KLHL14: variants seen among roughly 807,000 people sequenced by gnomAD.
KLHL14 encodes kelch like family member 14, also known as kelch-like protein 14.
Under a neutral mutation model 64.3 loss-of-function variants are expected in KLHL14, and 22 were observed. That is an observed-to-expected ratio of 0.34 (90% CI 0.24 to 0.49). The LOEUF is 0.49. Ranked by LOEUF, KLHL14 falls within the 20% of genes least tolerant of loss-of-function variation. The pLI is 0.99. For missense variants in KLHL14, 661 were observed against 789.0 expected (o/e 0.84, Z 1.94); for synonymous variants, 322 against 333.4 (o/e 0.97, Z 0.37).
chr18:32,707,328 A>G (rs527289205), intron 3 of KLHL14, among the ~76,000 whole-genome samples: 84 of 152,344 alleles, frequency 5.5e-4, no homozygotes, highest in African/African-American at 2.0e-3. Flanking sequence ...AATACACAGC[A>G]TGGCTGATTT....
chr18:32,696,837 A>G (rs188897452), intron 3 of KLHL14, among the ~76,000 whole-genome samples: 7 of 152,338 alleles, frequency 4.6e-5, no homozygotes, highest in East Asian at 3.9e-4. Flanking sequence ...AGAAACAGGT[A>G]CAGGTTTGAG....
intron 2 of KLHL14, among the ~76,000 whole-genome samples, chr18:32,749,460 G>A (rs2050240801): frequency 6.6e-6 from 1 of 152,112 alleles, no homozygotes; most frequent in Non-Finnish European, 1.5e-5. Context: ...TGTTGTAAGG[G>A]TTAAATAAAG....
chr18:32,729,453 C>T (rs1166158060), intron 3 of KLHL14, among the ~76,000 whole-genome samples: 2 of 152,178 alleles, frequency 1.3e-5, no homozygotes, highest in African/African-American at 4.8e-5. Context: ...AGGACATTTC[C>T]ATCACTGTGT....
At chr18:32,736,851 A>G (rs2050168762) in intron 3 of KLHL14, among the ~76,000 whole-genome samples, 1 of 151,902 alleles carries the variant, frequency 6.6e-6, no homozygotes, top group African/African-American at 2.4e-5. Context: ...AGCTTTCCTA[A>G]CCTCTCATGT....
intron 3 of KLHL14, among the ~76,000 whole-genome samples, chr18:32,719,393 A>T (rs990263347): frequency 3.3e-5 from 5 of 152,358 alleles, no homozygotes; most frequent in Non-Finnish European, 7.3e-5. Flanking sequence ...ATATCTTGTA[A>T]GTTCACGAAT....
At position 32,770,537 on chromosome 18, in the gene KLHL14, G is replaced by A. The variant is rs770604137; in HGVS notation, c.55C>T (p.Leu19=). 5 of 1,605,694 alleles carry A rather than the reference G, an allele frequency of 3.1e-6. No individual in the cohort carries two copies. The highest frequency in any genetic ancestry group is 4.2e-6 in the Non-Finnish European group (5 of 1,178,538). ...CACAGCAGGTTGAGGCCGTGCAGCA[G>A]GTTGTCGCTGTGGCTGGGGTCGAAG... ...STFDPSHSDN[L]LHGLNLLWRK... Residue 19 remains leucine, a synonymous_variant, in exon 2 of 9, where the codon CTG becomes TTG. Coordinates refer to ENST00000359358, the MANE Select transcript of KLHL14 (RefSeq NM_020805.3). This position sits in a 1 kb window ranked among gnomAD's most constrained non-coding sequence, Gnocchi z 6.7.
chr18:32,764,666 G>A (rs1166703268), intron 2 of KLHL14, among the ~76,000 whole-genome samples: 1 of 152,156 alleles, frequency 6.6e-6, no homozygotes, highest in East Asian at 1.9e-4. Context: ...ATTTCATGAT[G>A]TGAAAATTAC....
At position 32,769,754 on chromosome 18, in the gene KLHL14, A is replaced by T; in HGVS notation, c.838T>A (p.Ser280Thr). 6.2e-7 allele frequency: 1 copy of T among 1,607,070 alleles called. No homozygotes were observed. Among genetic ancestry groups the T allele is most frequent in the Non-Finnish European group, 8.5e-7 (1 of 1,175,820 alleles). The change falls in exon 2 of 9, where the codon TCA becomes ACA. Residue 280 changes from serine (S) to threonine (T), a missense_variant. Physicochemically the swap from Ser to Thr is moderately conservative, Grantham distance 58. Around this residue, in one of 2 missense-constraint regions of KLHL14, gnomAD observed 330 missense variants for 450.0 expected, o/e 0.73. Coordinates refer to ENST00000359358, the MANE Select transcript of KLHL14 (RefSeq NM_020805.3). ...GGGTCGGTTCGCATGAAATCCACTGACTGGACCCGCTCCACCAGCTCCGGG... is the reference window on the plus strand; with the variant it reads ...GGGTCGGTTCGCATGAAATCCACTGTCTGGACCCGCTCCACCAGCTCCGGG... The part of the protein sequence containing the change: ...PAPELVERVQ[S>T]VDFMRTDPVC...
At chr18:32,747,465 T>C (rs1169226843) in intron 2 of KLHL14, among the ~76,000 whole-genome samples, 1 of 152,218 alleles carries the variant, frequency 6.6e-6, no homozygotes, top group African/African-American at 2.4e-5. Context: ...CATCAGGTAT[T>C]AGATTCTCAT....
At chr18:32,734,785 T>C (rs1359364069) in intron 3 of KLHL14, among the ~76,000 whole-genome samples, 1 of 152,166 alleles carries the variant, frequency 6.6e-6, no homozygotes, top group Non-Finnish European at 1.5e-5. Context: ...GCAGATAAGA[T>C]TAAAAGATCA....
At chr18:32,766,165 T>C (rs2050342890) in intron 2 of KLHL14, among the ~76,000 whole-genome samples, 1 of 152,078 alleles carries the variant, frequency 6.6e-6, no homozygotes, top group Non-Finnish European at 1.5e-5. Context: ...ATTCGTTATA[T>C]TGTGTGAGGT....
rs1390462529 is a variant in KLHL14, at chr18:32,683,550, G to T, written c.1239-2951C>A. On this transcript the variant is annotated intron_variant, in intron 5 of 8. Transcript: ENST00000359358. The surrounding 1 kb of genome is among the most constrained non-coding windows in gnomAD (Gnocchi z 4.2). ...GGTTCAGGCTATTTTATTTTGGGGG[G>T]AAAGTAAGTTCAAGATTATTAAAGA... Among the ~76,000 whole-genome samples, 1 of 152,128 alleles carries T rather than the reference G, an allele frequency of 6.6e-6. No individual in the cohort carries two copies. Among genetic ancestry groups the T allele is most frequent in the Non-Finnish European group, 1.5e-5 (1 of 68,022 alleles).
chr18:32,694,775 GGC>G (rs2049928839), intron 4 of KLHL14, among the ~76,000 whole-genome samples: 1 of 152,186 alleles, frequency 6.6e-6, no homozygotes, highest in Non-Finnish European at 1.5e-5. Context: ...TTACACAGAA[GGC>G]TACAACTGCA....
chr18:32,678,260 T>C (rs2092166306), intron 7 of KLHL14, among the ~76,000 whole-genome samples: 1 of 152,180 alleles, frequency 6.6e-6, no homozygotes, highest in African/African-American at 2.4e-5. Flanking sequence ...TGTTTTTATC[T>C]ATTTTTCCCG....
intron 2 of KLHL14, among the ~76,000 whole-genome samples, chr18:32,763,505 T>A (rs981792183): frequency 8.5e-5 from 13 of 152,188 alleles, no homozygotes; most frequent in African/African-American, 3.1e-4. Context: ...CTCAACACTA[T>A]TCAGATAATT....
intron 5 of KLHL14, 76 bp downstream of exon 5, chr18:32,687,079 T>C: frequency 8.1e-7 from 1 of 1,237,864 alleles, no homozygotes; most frequent in South Asian, 1.2e-5. Context: ...CATTCCTTCT[T>C]ACAAAAAACC....
intron 3 of KLHL14, among the ~76,000 whole-genome samples, chr18:32,703,641 A>C (rs1222664282): frequency 6.6e-6 from 1 of 152,226 alleles, no homozygotes; most frequent in East Asian, 1.9e-4. Context: ...AAGTGCTAAT[A>C]AGCAGTGACA....
chr18:32,706,402 G>C (rs1302923615), intron 3 of KLHL14, among the ~76,000 whole-genome samples: 2 of 152,204 alleles, frequency 1.3e-5, no homozygotes, highest in East Asian at 3.8e-4. Context: ...GTGCAGGTCA[G>C]AGTATGTAGA....
chr18:32,726,508 C>A (rs1240469994), intron 3 of KLHL14, among the ~76,000 whole-genome samples: 1 of 152,014 alleles, frequency 6.6e-6, no homozygotes, highest in African/African-American at 2.4e-5. Context: ...CCTGTAATCC[C>A]AGCTACTTGG....
Sources: gnomAD v4.1 joint callset for allele counts (sites outside exome capture counted in the v4.1 genomes callset) on GRCh38, gnomAD v4.1.1 for gene constraint, gnomAD v4.1.1 regional missense constraint, Gnocchi (gnomAD v3.1) non-coding constraint, MANE v1.5 for transcripts, NCBI Gene and HGNC (gene_info 2026-07-23, HGNC 2026-07-21) for gene names.